The following PPM1L variants were observed in gnomAD, a reference collection of about 807,000 sequenced individuals.
The protein encoded by PPM1L is protein phosphatase 1L.
Under a neutral mutation model 31.4 loss-of-function variants are expected in PPM1L, and 13 were observed. The ratio of observed to expected loss-of-function variants is 0.41; its 90% CI spans 0.27 to 0.66. The LOEUF (loss-of-function observed/expected upper bound fraction) is 0.66. PPM1L is among the 30% of genes least tolerant of loss of function. The probability of loss-of-function intolerance (pLI) is 0.29; values close to 1 mark genes in which losing one functional copy is unlikely to be tolerated. For missense variants in PPM1L, 326 were observed against 453.7 expected (o/e 0.72, Z 2.56); for synonymous variants, 184 against 175.4 (o/e 1.05, Z -0.39).
chr3:160,971,118 A>G (rs1015652602), intron 2 of PPM1L, among the ~76,000 whole-genome samples: 2 of 152,144 alleles, frequency 1.3e-5, no homozygotes, highest in East Asian at 1.9e-4. Flanking sequence ...ATAGAAAACT[A>G]TTGGCCATAG....
intron 1 of PPM1L, among the ~76,000 whole-genome samples, chr3:160,825,577 A>G (rs1713331395): frequency 6.6e-6 from 1 of 152,216 alleles, no homozygotes; most frequent in Non-Finnish European, 1.5e-5. Context: ...ACAGATGTTA[A>G]GTAACTTTTC....
Position 161,014,029 on chromosome 3 carries a change from G to T in PPM1L, c.575-51374G>T, listed in dbSNP as rs965167403. 3.3e-5 allele frequency among the ~76,000 whole-genome samples: 5 copies of T among 152,110 alleles called. No homozygotes were observed. The East Asian group carries it at 9.6e-4, about 29-fold the overall frequency. On this transcript the variant is annotated intron_variant, in intron 2 of 3. Coordinates refer to ENST00000498165, the MANE Select transcript of PPM1L (RefSeq NM_139245.4). ...AGCATTTAGCCCATTTACATTTAAG[G>T]TTAATATTGTTATGCGTGAATTTGA... is the stretch of plus-strand genomic sequence containing the variant.
chr3:161,038,273 G>A (rs988518066), intron 2 of PPM1L, among the ~76,000 whole-genome samples: 3 of 151,032 alleles, frequency 2.0e-5, no homozygotes, highest in Non-Finnish European at 4.4e-5. Flanking sequence ...AGGGTTGGTT[G>A]TAGGTTGCAA....
intron 1 of PPM1L, among the ~76,000 whole-genome samples, chr3:160,877,202 G>A (rs1182311821): frequency 6.6e-6 from 1 of 152,186 alleles, no homozygotes. Flanking sequence ...ACTCAGTTCT[G>A]TAAGAAATAA....
intron 1 of PPM1L, among the ~76,000 whole-genome samples, chr3:160,836,884 A>C (rs906775702): frequency 6.6e-6 from 1 of 152,210 alleles, no homozygotes; most frequent in African/African-American, 2.4e-5. Context: ...ATCTTAATGC[A>C]AAGTGGCATT....
chr3:160,800,215 G>T lies in PPM1L; in HGVS notation c.399+43508G>T, dbSNP rs954709131. ...CCTTTAGTGTTTCATATTAAAACATGATTTCTTCTGAGGCTTTTTTCCTTT... is the reference window on the plus strand; with the variant it reads ...CCTTTAGTGTTTCATATTAAAACATTATTTCTTCTGAGGCTTTTTTCCTTT... On this transcript the variant is annotated intron_variant, in intron 1 of 3. Coordinates refer to ENST00000498165, the MANE Select transcript of PPM1L (RefSeq NM_139245.4). 1.3e-5 allele frequency among the ~76,000 whole-genome samples: 2 copies of T among 152,110 alleles called. 1 individual carries two copies. Among genetic ancestry groups the T allele is most frequent in the South Asian group, 4.1e-4 (2 of 4,824 alleles).
chr3:160,828,757 C>G (rs1438154485), intron 1 of PPM1L, among the ~76,000 whole-genome samples: 2 of 151,890 alleles, frequency 1.3e-5, no homozygotes, highest in Non-Finnish European at 2.9e-5. Flanking sequence ...GCTCAGACCT[C>G]AAGAAAAGAG....
intron 2 of PPM1L, among the ~76,000 whole-genome samples, chr3:160,978,040 G>A (rs1469532560): frequency 6.6e-6 from 1 of 152,122 alleles, no homozygotes; most frequent in Admixed American, 6.5e-5. Context: ...TCACCCCAAG[G>A]AACAGGAGTG....
intron 2 of PPM1L, among the ~76,000 whole-genome samples, chr3:161,004,012 C>T (rs1717605813): frequency 6.8e-6 from 1 of 147,546 alleles, no homozygotes; most frequent in South Asian, 2.2e-4. Flanking sequence ...GAGATACGTC[C>T]CATCAATACC....
chr3:160,985,824 A>C (rs966501623), intron 2 of PPM1L, among the ~76,000 whole-genome samples: 7 of 152,098 alleles, frequency 4.6e-5, no homozygotes, highest in African/African-American at 1.7e-4. Flanking sequence ...TCATTCCTTT[A>C]ACCATTTCCT....
Position 160,756,328 on chromosome 3 carries a change from C to G in PPM1L, c.20C>G (p.Thr7Ser), listed in dbSNP as rs1402410344. MIEDTM[T>S]LLSLLGRIMR... Reference sequence around the variant, plus strand: ...TAATAAATGATAGAGGATACAATGACTTTGCTGTCTCTGCTGGGTCGCATC... The same window carrying G: ...TAATAAATGATAGAGGATACAATGAGTTTGCTGTCTCTGCTGGGTCGCATC... The change falls in exon 1 of 4, where the codon ACT becomes AGT. Residue 7 changes from threonine (T) to serine (S), a missense_variant. Around this residue, in one of 3 missense-constraint regions of PPM1L, gnomAD observed 42 missense variants for 76.1 expected, o/e 0.55. Transcript: ENST00000498165. The surrounding 1 kb of genome is among the most constrained non-coding windows in gnomAD (Gnocchi z 6.2). The G allele has an allele frequency of 6.2e-7, 1 of 1,613,734 alleles. No homozygotes were observed. The highest frequency in any genetic ancestry group is 1.7e-5 in the Admixed American group (1 of 60,014).
chr3:160,822,327 A>C lies in PPM1L; in HGVS notation c.399+65620A>C, dbSNP rs574633139. ...CCAGAACTCCATCATTTGAATAAAC[A>C]AGATATCTTGTCTTCTCTTATCTTT... On this transcript the variant is annotated intron_variant, in intron 1 of 3. Transcript: ENST00000498165. 3.0e-3 allele frequency among the ~76,000 whole-genome samples: 454 copies of C among 152,142 alleles called. 2 individuals are homozygous for C. Among genetic ancestry groups the C allele is most frequent in the Non-Finnish European group, 5.8e-3 (395 of 67,940 alleles).
intron 1 of PPM1L, among the ~76,000 whole-genome samples, chr3:160,785,608 A>G (rs1440749523): frequency 2.0e-5 from 3 of 152,154 alleles, no homozygotes; most frequent in East Asian, 3.8e-4. Flanking sequence ...TTTTCATATA[A>G]ATAGAAGCAT....
chr3:160,895,980 C>T (rs1392877744), intron 1 of PPM1L, among the ~76,000 whole-genome samples: 4 of 152,176 alleles, frequency 2.6e-5, no homozygotes, highest in African/African-American at 9.7e-5. Flanking sequence ...CTTCTCCCTA[C>T]CCCAACATTA....
chr3:161,014,936 T>C (rs1263849742), intron 2 of PPM1L, among the ~76,000 whole-genome samples: 1 of 152,186 alleles, frequency 6.6e-6, no homozygotes, highest in Non-Finnish European at 1.5e-5. Flanking sequence ...TATGCCTGAG[T>C]TTCCTTGGTG....
intron 1 of PPM1L, among the ~76,000 whole-genome samples, chr3:160,793,156 C>T (rs1366778554): frequency 6.6e-6 from 1 of 152,098 alleles, no homozygotes; most frequent in Non-Finnish European, 1.5e-5. Flanking sequence ...TTTTTCATAC[C>T]TCACTATTTG....
At chr3:160,809,188 T>G (rs1016904438) in intron 1 of PPM1L, among the ~76,000 whole-genome samples, 1 of 152,212 alleles carries the variant, frequency 6.6e-6, no homozygotes, top group Non-Finnish European at 1.5e-5. Flanking sequence ...CTTGAATTGC[T>G]TAGATTATTA....
intron 2 of PPM1L, among the ~76,000 whole-genome samples, chr3:161,049,659 T>G (rs1001877709): frequency 2.0e-5 from 3 of 152,242 alleles, no homozygotes; most frequent in African/African-American, 7.2e-5. Context: ...CCCATGTACC[T>G]TGCAGGATTT....
intron 2 of PPM1L, among the ~76,000 whole-genome samples, chr3:160,989,609 G>A (rs1389519826): frequency 3.9e-5 from 6 of 151,908 alleles, no homozygotes; most frequent in Non-Finnish European, 5.9e-5. Context: ...TGATCCACCC[G>A]TCTCAGCCTC....
Sources: allele counts gnomAD v4.1 joint callset (sites outside exome capture counted in the v4.1 genomes callset), GRCh38; gene constraint gnomAD v4.1.1; regional missense constraint gnomAD v4.1.1; non-coding constraint Gnocchi (gnomAD v3.1); transcripts MANE v1.5; gene names NCBI Gene and HGNC (gene_info 2026-07-23, HGNC 2026-07-21).